CMKLR2: variants seen among roughly 807,000 people sequenced by gnomAD.
CMKLR2 encodes chemerin chemokine-like receptor 2.
A neutral mutation model predicts 23.0 loss-of-function variants in CMKLR2; 18 were observed. That is an observed-to-expected ratio of 0.78 (90% CI 0.54 to 1.16). The LOEUF (loss-of-function observed/expected upper bound fraction) is 1.16. Ranked by LOEUF, CMKLR2 falls within the 50% of genes most tolerant of loss-of-function variation. CMKLR2 has a pLI of 0.00. For missense variants in CMKLR2, 401 were observed against 412.7 expected (o/e 0.97, Z 0.25); for synonymous variants, 158 against 158.9 (o/e 0.99, Z 0.05).
At chr2:206,184,438 A>G (rs1382544141) in intron 1 of CMKLR2, among the ~76,000 whole-genome samples, 1 of 151,950 alleles carries the variant, frequency 6.6e-6, no homozygotes, top group Non-Finnish European at 1.5e-5. Flanking sequence ...CTGGGACTAC[A>G]GATGTGCGCC....
rs145814828 is a variant in CMKLR2, at chr2:206,204,748, TG to T, written c.-29+8558del. Among the ~76,000 whole-genome samples the T allele has an allele frequency of 5.3e-3, 807 of 152,144 alleles. 18 individuals carry two copies. The highest frequency in any genetic ancestry group is 0.039 in the Admixed American group (593 of 15,262). ...TTTGTGGGTACTTTTGATGGCATTTTGGATCTGGGTTTCATCCTGAGAGAAA... is the reference window on the plus strand; with the variant it reads ...TTTGTGGGTACTTTTGATGGCATTTTGATCTGGGTTTCATCCTGAGAGAAA... On this transcript the variant is annotated intron_variant, in intron 1 of 1. Coordinates refer to ENST00000621141, the MANE Select transcript of CMKLR2 (RefSeq NM_001389445.1).
Position 206,176,721 on chromosome 2 carries a change from C to T in CMKLR2, c.527G>A (p.Arg176Gln), listed in dbSNP as rs569840690. 93 of 1,614,054 alleles carry T rather than the reference C, an allele frequency of 5.8e-5. No individual in the cohort carries two copies. Among genetic ancestry groups the T allele is most frequent in the Admixed American group, 4.7e-4 (28 of 60,010 alleles). ...SLIGGPALYF[R>Q]DTVEFNNHTL... ...ATGATTATTGAACTCCACAGTGTCCCGGAAGTACAGGGCAGGACCGCCAAT... is the reference window on the plus strand; with the variant it reads ...ATGATTATTGAACTCCACAGTGTCCTGGAAGTACAGGGCAGGACCGCCAAT... Residue 176 changes from arginine (R) to glutamine (Q), a missense_variant, in exon 2 of 2, where the codon CGG becomes CAG. Arg to Gln is a conservative substitution (Grantham distance 43). Coordinates refer to ENST00000621141, the MANE Select transcript of CMKLR2 (RefSeq NM_001389445.1).
At chr2:206,182,004 C>A (rs1559084475) in intron 1 of CMKLR2, among the ~76,000 whole-genome samples, 2 of 145,040 alleles carry the variant, frequency 1.4e-5, no homozygotes, top group South Asian at 2.3e-4. Context: ...CATGTATTTA[C>A]TAGCCATTAA....
rs368331249 is a variant in CMKLR2 at position 206,212,918 on chromosome 2, C to G, written c.-29+389G>C. Among the ~76,000 whole-genome samples the G allele has an allele frequency of 7.9e-5, 12 of 152,224 alleles. No homozygotes were observed. The South Asian group carries it at 8.3e-4, about 11-fold the overall frequency. On this transcript the variant is annotated intron_variant, in intron 1 of 1. Transcript: ENST00000621141. ...TTTCTACTAGTTTCTCAACAGTGAGCCTTCCACAAATGATGTTTGACTATT... is the reference window on the plus strand; with the variant it reads ...TTTCTACTAGTTTCTCAACAGTGAGGCTTCCACAAATGATGTTTGACTATT...
intron 1 of CMKLR2, among the ~76,000 whole-genome samples, chr2:206,210,074 G>A (rs1319481978): frequency 1.4e-5 from 2 of 146,166 alleles, no homozygotes; most frequent in East Asian, 2.1e-4. Flanking sequence ...AGCAATTCTC[G>A]TGCCTCAGCC....
rs771253490 is a variant in CMKLR2, at chr2:206,176,306, G to A, written c.942C>T (p.Arg314=). The A allele has an allele frequency of 5.6e-6, 9 of 1,614,150 alleles. No homozygotes were observed. In the South Asian group the frequency reaches 8.8e-5, roughly 16 times the overall value. The change falls in exon 2 of 2, where the codon CGC becomes CGT. Residue 314 remains arginine (R), a synonymous_variant. Coordinates refer to ENST00000621141, the MANE Select transcript of CMKLR2 (RefSeq NM_001389445.1). ...YVLISKKFQA[R]FRSSVAEILK... ...GTATCTCAGCAACTGAGGACCGGAA[G>A]CGAGCTTGGAACTTCTTACTAATTA...
Position 206,177,169 on chromosome 2 carries a change from C to T in CMKLR2, c.79G>A (p.Asp27Asn). The change falls in exon 2 of 2, where the codon GAT becomes AAT. Residue 27 changes from aspartate (D) to asparagine (N), a missense_variant. Physicochemically the swap from Asp to Asn is conservative, Grantham distance 23 (BLOSUM62 1). Transcript: ENST00000621141. Reference protein sequence around the residue: ...YDLDYYSLESDLEEKVQLGVV... With the variant: ...YDLDYYSLESNLEEKVQLGVV... ...CCCAGCTGGACTTTCTCCTCCAAAT[C>T]AGACTCCAGAGAGTAATAGTCTAGG... 1.2e-6 allele frequency: 2 copies of T among 1,613,990 alleles called. No homozygotes were observed. Among genetic ancestry groups the T allele is most frequent in the Non-Finnish European group, 1.7e-6 (2 of 1,179,842 alleles).
chr2:206,197,857 C>T (rs906991112), intron 1 of CMKLR2, among the ~76,000 whole-genome samples: 5 of 152,062 alleles, frequency 3.3e-5, no homozygotes, highest in African/African-American at 1.2e-4. Context: ...GTAGTTTTAC[C>T]CTCAAAACTG....
intron 1 of CMKLR2, among the ~76,000 whole-genome samples, chr2:206,210,760 C>T (rs1029012769): frequency 9.2e-5 from 14 of 152,110 alleles, no homozygotes; most frequent in African/African-American, 3.1e-4. Flanking sequence ...CGTGCCCGGC[C>T]TGCAAATAGC....
At position 206,177,125 on chromosome 2, in the gene CMKLR2, G is replaced by C. The variant is rs1185633387; in HGVS notation, c.123C>G (p.Ser41=). The change falls in exon 2 of 2, where the codon TCC becomes TCG. Residue 41 remains serine, a synonymous_variant. Coordinates refer to ENST00000621141, the MANE Select transcript of CMKLR2 (RefSeq NM_001389445.1). ...KVQLGVVHWV[S]LVLYCLAFVL... is the part of the protein sequence containing the mutation. ...CAAAAGCCAAACAATATAACACCAG[G>C]GAGACCCAGTGAACAACTCCCAGCT... 1.2e-6 allele frequency: 2 copies of C among 1,613,918 alleles called. No homozygotes were observed. Among genetic ancestry groups the C allele is most frequent in the African/African-American group, 2.7e-5 (2 of 74,886 alleles).
chr2:206,199,439 T>G (rs946559381), intron 1 of CMKLR2, among the ~76,000 whole-genome samples: 1 of 151,560 alleles, frequency 6.6e-6, no homozygotes, highest in African/African-American at 2.4e-5. Flanking sequence ...TGAGCATGAG[T>G]GCGAGCACAT....
chr2:206,206,887 C>A (rs1013649672), intron 1 of CMKLR2, among the ~76,000 whole-genome samples: 2 of 147,298 alleles, frequency 1.4e-5, no homozygotes, highest in Non-Finnish European at 3.0e-5. Context: ...ATCATCAAAT[C>A]CATTAGTTCC....
chr2:206,201,733 G>A (rs917403917), intron 1 of CMKLR2, among the ~76,000 whole-genome samples: 1 of 152,038 alleles, frequency 6.6e-6, no homozygotes, highest in Non-Finnish European at 1.5e-5. Context: ...TACTTGAACT[G>A]ATCAGACAGC....
chr2:206,180,733 C>CTATTATTATTAT (rs1270503964), intron 1 of CMKLR2, among the ~76,000 whole-genome samples: 6 of 27,258 alleles, frequency 2.2e-4, no homozygotes, highest in East Asian at 1.1e-3. Flanking sequence ...TGTGCCCAGC[C>CTATTATTATTAT]CATTATTATT....
intron 1 of CMKLR2, among the ~76,000 whole-genome samples, chr2:206,196,999 C>A (rs1284822555): frequency 1.3e-5 from 2 of 152,148 alleles, no homozygotes; most frequent in African/African-American, 4.8e-5. Context: ...ACCTCCACCT[C>A]CTGGGTTCAA....
Position 206,175,482 on chromosome 2 carries a change from A to G in CMKLR2, c.*698T>C, listed in dbSNP as rs1688176124. ...AACATTTTTAAAATTAGTTAATCAT[A>G]TATTTATTTATCTATTTTATTTATT... On this transcript the variant is annotated 3_prime_UTR_variant, in exon 2 of 2. Transcript: ENST00000621141. The G allele has an allele frequency of 6.6e-6, 1 of 152,106 alleles. No individual in the cohort carries two copies. The highest frequency in any genetic ancestry group is 2.1e-4 in the South Asian group (1 of 4,836). 9.4% of individuals were successfully genotyped at this position (152,106 alleles called of 1,614,324 possible).
At chr2:206,186,635 AG>A (rs1182090452) in intron 1 of CMKLR2, among the ~76,000 whole-genome samples, 1 of 152,138 alleles carries the variant, frequency 6.6e-6, no homozygotes, top group Non-Finnish European at 1.5e-5. Context: ...AGAAAGGGAA[AG>A]AAGCTGGCCT....
At chr2:206,180,326 TAA>T (rs78880450) in intron 1 of CMKLR2, among the ~76,000 whole-genome samples, 12 of 142,060 alleles carry the variant, frequency 8.4e-5, no homozygotes, top group Admixed American at 1.4e-4. Context: ...AACTGTCTCT[TAA>T]AAAAAAAAAA....
chr2:206,193,428 G>A (rs1245837189), intron 1 of CMKLR2, among the ~76,000 whole-genome samples: 1 of 152,174 alleles, frequency 6.6e-6, no homozygotes, highest in East Asian at 1.9e-4. Flanking sequence ...GTGTATACAA[G>A]TAACTTTTTA....
Sources: allele counts gnomAD v4.1 joint callset (sites outside exome capture counted in the v4.1 genomes callset), GRCh38; gene constraint gnomAD v4.1.1; transcripts MANE v1.5; gene names NCBI Gene and HGNC (gene_info 2026-07-23, HGNC 2026-07-21).